Variants in MXI1 observed in about 807,000 individuals in gnomAD.
The protein encoded by MXI1 is max-interacting protein 1.
In MXI1, 18 loss-of-function variants were observed where a neutral mutation model predicts 36.9. That is an observed-to-expected ratio of 0.49 (90% CI 0.34 to 0.72). The LOEUF (loss-of-function observed/expected upper bound fraction) is 0.72, where lower values mean the gene tolerates loss of function less well. MXI1 is among the 30% of genes least tolerant of loss of function. The probability of loss-of-function intolerance (pLI) is 0.01; values close to 1 mark genes in which losing one functional copy is unlikely to be tolerated. For missense variants in MXI1, 304 were observed against 379.1 expected, an observed-to-expected ratio of 0.80 and a Z score of 1.64; for synonymous variants, 160 against 146.7, an observed-to-expected ratio of 1.09 and a Z score of -0.65.
chr10:110,210,263 C>G, intron 1 of MXI1: 1 of 985,244 alleles, frequency 1.0e-6, no homozygotes, highest in Non-Finnish European at 1.2e-6. Flanking sequence ...GCAAATCTGC[C>G]AGCCCCCGAG....
intron 2 of MXI1, among the ~76,000 whole-genome samples, chr10:110,231,309 G>A (rs1353747324): frequency 6.6e-6 from 1 of 151,802 alleles, no homozygotes; most frequent in Non-Finnish European, 1.5e-5. Flanking sequence ...GGAGGTTGCA[G>A]TGAGCTGAGA....
intron 1 of MXI1, among the ~76,000 whole-genome samples, chr10:110,221,107 T>C (rs1292639628): frequency 6.6e-6 from 1 of 152,228 alleles, no homozygotes; most frequent in Non-Finnish European, 1.5e-5. Context: ...TTGACTCTGA[T>C]GGCAACCTTT....
chr10:110,258,516 A>T (rs1393429089), intron 3 of MXI1, among the ~76,000 whole-genome samples: 1 of 152,190 alleles, frequency 6.6e-6, no homozygotes, highest in Non-Finnish European at 1.5e-5. Flanking sequence ...TATGAAGAAC[A>T]GTATCATTTA....
At chr10:110,226,332 C>A in intron 1 of MXI1, 1 of 1,437,988 alleles carries the variant, frequency 7.0e-7, no homozygotes. Flanking sequence ...TAATCTTTTT[C>A]GGCAGTGCGG....
chr10:110,284,290 T>C (rs1004741739), intron 5 of MXI1, among the ~76,000 whole-genome samples: 2 of 152,208 alleles, frequency 1.3e-5, no homozygotes, highest in African/African-American at 4.8e-5. Flanking sequence ...CTCTACTTTA[T>C]AATGACTTGT....
chr10:110,251,131 C>CTTT (rs1311942179), intron 3 of MXI1, among the ~76,000 whole-genome samples: 1 of 147,632 alleles, frequency 6.8e-6, no homozygotes, highest in East Asian at 2.0e-4. Context: ...TTATAGAGTT[C>CTTT]TTACTGTGTT....
chr10:110,225,996 A>G (rs1403046547), intron 1 of MXI1: 1 of 982,820 alleles, frequency 1.0e-6, no homozygotes, highest in Non-Finnish European at 1.2e-6. Flanking sequence ...GGGGAGAGGT[A>G]AACAAACCAC....
At chr10:110,279,317 T>C in intron 4 of MXI1, 23 bp downstream of exon 4, 6 of 1,585,574 alleles carry the variant, frequency 3.8e-6, no homozygotes, top group Non-Finnish European at 5.2e-6. Context: ...ACTTTCAGAT[T>C]TGCACAATTC....
intron 3 of MXI1, among the ~76,000 whole-genome samples, chr10:110,274,935 C>T (rs910807470): frequency 1.2e-4 from 16 of 138,622 alleles, no homozygotes; most frequent in East Asian, 4.1e-4. Context: ...AGTGCACTGG[C>T]GCGATCTCTG....
At chr10:110,245,742 G>T (rs1249818994) in intron 3 of MXI1, 1 of 152,190 alleles carries the variant, frequency 6.6e-6, no homozygotes, top group Non-Finnish European at 1.5e-5. Context: ...TTTGGCTACA[G>T]CTTGAAGAAT....
chr10:110,279,673 A>G (rs1857165386), intron 4 of MXI1, among the ~76,000 whole-genome samples: 1 of 152,258 alleles, frequency 6.6e-6, no homozygotes, highest in Non-Finnish European at 1.5e-5. Flanking sequence ...TTAGAAGTCC[A>G]TCTTGTTCAA....
intron 1 of MXI1, among the ~76,000 whole-genome samples, chr10:110,222,039 C>G (rs1258500031): frequency 2.0e-5 from 3 of 152,138 alleles, no homozygotes; most frequent in African/African-American, 7.2e-5. Context: ...GGAGAGCTTA[C>G]GCATGAACTT....
chr10:110,264,621 C>T (rs902610484), intron 3 of MXI1, among the ~76,000 whole-genome samples: 30 of 152,058 alleles, frequency 2.0e-4, no homozygotes, highest in Admixed American at 4.6e-4. Flanking sequence ...GCCTCAGCCT[C>T]CCAAAGTGCT....
At chr10:110,253,707 C>T (rs944454476) in intron 3 of MXI1, among the ~76,000 whole-genome samples, 1 of 152,036 alleles carries the variant, frequency 6.6e-6, no homozygotes, top group African/African-American at 2.4e-5. Flanking sequence ...ATAACTTCAG[C>T]TGGATTAAAA....
At chr10:110,284,132 G>T (rs1857358437) in intron 5 of MXI1, among the ~76,000 whole-genome samples, 1 of 151,338 alleles carries the variant, frequency 6.6e-6, no homozygotes, top group African/African-American at 2.4e-5. Context: ...TGTATTTGTG[G>T]TGTTTTTTTT....
At chr10:110,239,893 TTC>T (rs1268240642) in intron 2 of MXI1, among the ~76,000 whole-genome samples, 3 of 152,028 alleles carry the variant, frequency 2.0e-5, no homozygotes, top group Non-Finnish European at 4.4e-5. Flanking sequence ...CTCCTGACTT[TTC>T]CAGTCACTGT....
chr10:110,214,501 G>C (rs543273537), intron 1 of MXI1, among the ~76,000 whole-genome samples: 1 of 152,098 alleles, frequency 6.6e-6, no homozygotes, highest in Non-Finnish European at 1.5e-5. Flanking sequence ...GCCAACAGCA[G>C]GTTCATCAAA....
chr10:110,235,028 C>T (rs1422218482), intron 2 of MXI1, among the ~76,000 whole-genome samples: 4 of 152,158 alleles, frequency 2.6e-5, no homozygotes, highest in Non-Finnish European at 1.5e-5. Context: ...AGGAAAATAA[C>T]ATCCCCATGC....
chr10:110,227,497 A>T, intron 1 of MXI1: 1 of 983,430 alleles, frequency 1.0e-6, no homozygotes, highest in Non-Finnish European at 1.2e-6. Flanking sequence ...GGGGCTGGAG[A>T]GAGGGTGACC....
Sources: allele counts gnomAD v4.1 joint callset (sites outside exome capture counted in the v4.1 genomes callset), GRCh38; gene constraint gnomAD v4.1.1; transcripts MANE v1.5; gene names NCBI Gene and HGNC (gene_info 2026-07-23, HGNC 2026-07-21).